The following CLCA2 variants were observed in gnomAD, a reference collection of about 807,000 sequenced individuals.
CLCA2 encodes the protein chloride channel accessory 2.
Under a neutral mutation model 82.9 loss-of-function variants are expected in CLCA2, and 85 were observed. That is an observed-to-expected ratio of 1.03 (90% CI 0.86 to 1.23). The LOEUF is 1.23. Among genes scored for constraint, CLCA2 ranks in the 50% most tolerant of loss-of-function variants. The probability of loss-of-function intolerance (pLI) is 0.00; values close to 1 mark genes in which losing one functional copy is unlikely to be tolerated. For missense variants in CLCA2, 1,089 were observed against 1,124.8 expected, an observed-to-expected ratio of 0.97 and a Z score of 0.45; for synonymous variants, 421 against 391.7, an observed-to-expected ratio of 1.07 and a Z score of -0.88.
intron 6 of CLCA2, 81 bp downstream of exon 6, chr1:86,434,826 CTGGGGTACA>C: frequency 2.6e-6 from 3 of 1,174,068 alleles, no homozygotes; most frequent in Non-Finnish European, 3.7e-6. Context: ...ATTTTAAGTT[CTGGGGTACA>C]TGTGCAGGAC....
chr1:86,441,737 T>C (rs1438630573), intron 9 of CLCA2, among the ~76,000 whole-genome samples, 194 bp downstream of exon 9: 5 of 152,224 alleles, frequency 3.3e-5, no homozygotes, highest in African/African-American at 1.2e-4. Flanking sequence ...TTTACCACAA[T>C]TGCCACCTCA....
intron 4 of CLCA2, among the ~76,000 whole-genome samples, chr1:86,431,938 T>G (rs1020275980): frequency 9.9e-5 from 15 of 152,282 alleles, no homozygotes; most frequent in African/African-American, 2.4e-4. Flanking sequence ...TTGTTTGTTT[T>G]TTTGTTTGTT....
chr1:86,437,492 C>T (rs1167777867), intron 6 of CLCA2, among the ~76,000 whole-genome samples: 1 of 152,074 alleles, frequency 6.6e-6, no homozygotes, highest in African/African-American at 2.4e-5. Flanking sequence ...TTCAACTAGG[C>T]GCTTGCTAGG....
chr1:86,450,602 A>G lies in CLCA2; in HGVS notation c.2024A>G (p.Tyr675Cys), dbSNP rs778830458. The G allele has an allele frequency of 7.4e-6, 12 of 1,612,754 alleles. No individual in the cohort carries two copies. In the South Asian group the frequency reaches 7.7e-5, roughly 10 times the overall value. Reference sequence around the variant, plus strand: ...AAAAATGATGGAATTTACTCGAGGTATTTTTTCTCCTTTGCTGCAAATGGT... The same window carrying G: ...AAAAATGATGGAATTTACTCGAGGTGTTTTTTCTCCTTTGCTGCAAATGGT... ...VIKNDGIYSR[Y>C]FFSFAANGRY... Residue 675 changes from tyrosine (Y) to cysteine (C), a missense_variant, in exon 12 of 14, where the codon TAT becomes TGT. Coordinates refer to ENST00000370565, the MANE Select transcript of CLCA2 (RefSeq NM_006536.7).
chr1:86,431,692 G>A (rs537997626), intron 4 of CLCA2, among the ~76,000 whole-genome samples: 7 of 152,212 alleles, frequency 4.6e-5, no homozygotes, highest in African/African-American at 1.7e-4. Flanking sequence ...CTGATACCAA[G>A]TGGAAATGAA....
chr1:86,447,601 C>T lies in CLCA2; in HGVS notation c.1807C>T (p.Pro603Ser), dbSNP rs1230374279. ...CTCTCGCGCCTCCAACTCAGCTGTG[C>T]CCCCAGCCACTGTGGAAGCCTTTGT... is the stretch of plus-strand genomic sequence containing the variant. ...VTSRASNSAVPPATVEAFVER... is the reference protein window; with the variant it reads ...VTSRASNSAVSPATVEAFVER... The change falls in exon 11 of 14, where the codon CCC becomes TCC. Residue 603 changes from proline (P) to serine (S), a missense_variant. Physicochemically the swap from Pro to Ser is moderately conservative, Grantham distance 74 (BLOSUM62 -1). Transcript: ENST00000370565. 6.2e-7 allele frequency: 1 copy of T among 1,614,000 alleles called. No individual in the cohort carries two copies.
At position 86,455,991 on chromosome 1, in the gene CLCA2, T is replaced by C. The variant is rs1663070586; in HGVS notation, c.*464T>C. 1 of 152,272 alleles carries C rather than the reference T, an allele frequency of 6.6e-6. No individual in the cohort carries two copies. Among genetic ancestry groups the C allele is most frequent in the Non-Finnish European group, 1.5e-5 (1 of 68,068 alleles). The allele number at this position is 152,272 out of a possible 1,614,324, so 9.4% of individuals were successfully genotyped here. On this transcript the variant is annotated 3_prime_UTR_variant, in exon 14 of 14. Transcript: ENST00000370565. ...TGCTATATTTTATATATGAAGCCCC[T>C]AATGCAAAGCTCTTTACCTCTTGCT...
intron 2 of CLCA2, among the ~76,000 whole-genome samples, chr1:86,427,347 C>G (rs756978456): frequency 2.6e-5 from 4 of 151,952 alleles, no homozygotes; most frequent in Non-Finnish European, 5.9e-5. Flanking sequence ...ACCTCTTCAG[C>G]CTTTTTTGTA....
chr1:86,438,323 G>A (rs1160318256), intron 6 of CLCA2, among the ~76,000 whole-genome samples: 2 of 152,174 alleles, frequency 1.3e-5, no homozygotes, highest in East Asian at 3.8e-4. Flanking sequence ...TGGTATAACT[G>A]TACTGCCATA....
chr1:86,440,011 G>A (rs1352593479), intron 7 of CLCA2, 137 bp from the exon 8 acceptor site: 1 of 753,762 alleles, frequency 1.3e-6, no homozygotes. Flanking sequence ...TGCTGTGATG[G>A]GGTGAGGTAA....
At position 86,434,707 on chromosome 1, in the gene CLCA2, G is replaced by A; in HGVS notation, c.934G>A (p.Val312Ile). The A allele has an allele frequency of 1.2e-6, 2 of 1,614,034 alleles. No individual in the cohort carries two copies. Among genetic ancestry groups the A allele is most frequent in the South Asian group, 1.1e-5 (1 of 91,078 alleles). ...FSLVQAGDKV[V>I]CLVLDVSSKM... ...GCTTGTACAGGCTGGTGACAAAGTG[G>A]TCTGTTTAGTGCTGGATGTGTCCAG... is the stretch of plus-strand genomic sequence containing the variant. Residue 312 changes from valine (V) to isoleucine (I), a missense_variant, in exon 6 of 14, where the codon GTC (valine) becomes ATC (isoleucine). Val to Ile is a conservative substitution (Grantham distance 29). Coordinates refer to ENST00000370565, the MANE Select transcript of CLCA2 (RefSeq NM_006536.7).
intron 9 of CLCA2, among the ~76,000 whole-genome samples, chr1:86,443,275 C>A (rs561643404): frequency 6.6e-6 from 1 of 152,166 alleles, no homozygotes; most frequent in African/African-American, 2.4e-5. Flanking sequence ...GCAATCCACT[C>A]GCCTTGGCCT....
At position 86,447,723 on chromosome 1, in the gene CLCA2, A is replaced by G. The variant is rs753131295; in HGVS notation, c.1929A>G (p.Thr643=). ...YPILNATVTA[T]VEPETGDPVT... Reference sequence around the variant, plus strand: ...TTCTTAATGCCACTGTCACTGCCACAGTTGAGCCAGAGACTGGAGATCCTG... The same window carrying G: ...TTCTTAATGCCACTGTCACTGCCACGGTTGAGCCAGAGACTGGAGATCCTG... The change falls in exon 11 of 14, where the codon ACA becomes ACG. Residue 643 remains threonine (T), a synonymous_variant. Transcript: ENST00000370565. 1 of 1,614,062 alleles carries G rather than the reference A, an allele frequency of 6.2e-7. No homozygotes were observed. Among genetic ancestry groups the G allele is most frequent in the Non-Finnish European group, 8.5e-7 (1 of 1,180,010 alleles).
At chr1:86,441,056 G>C (rs1199685956) in intron 8 of CLCA2, among the ~76,000 whole-genome samples, 1 of 152,042 alleles carries the variant, frequency 6.6e-6, no homozygotes, top group African/African-American at 2.4e-5. Context: ...CAAATGAAAG[G>C]TTTTATTGAA....
rs750725056 is a variant in CLCA2 at position 86,455,290 on chromosome 1, A to C, written c.2595A>C (p.Ala865=). 2.6e-5 allele frequency: 42 copies of C among 1,613,996 alleles called. No homozygotes were observed. Among genetic ancestry groups the C allele is most frequent in the Non-Finnish European group, 3.4e-5 (40 of 1,180,024 alleles). ...ATGAAAGCCACAGAATTTATGTTGCAATACGAGCAATGGATAGGAACTCCT... is the reference window on the plus strand; with the variant it reads ...ATGAAAGCCACAGAATTTATGTTGCCATACGAGCAATGGATAGGAACTCCT... ...ETHESHRIYV[A]IRAMDRNSLQ... The change falls in exon 14 of 14, where the codon GCA becomes GCC. Residue 865 remains alanine (A), a synonymous_variant. Transcript: ENST00000370565.
rs1292678684 is a variant in CLCA2 at position 86,453,469 on chromosome 1, G to T, written c.2256G>T (p.Val752=). 1 of 1,614,142 alleles carries T rather than the reference G, an allele frequency of 6.2e-7. No homozygotes were observed. The highest frequency in any genetic ancestry group is 2.2e-5 in the East Asian group (1 of 44,870). Reference sequence around the variant, plus strand: ...TCAGCTCAGGAGGCTCCTTTTCAGTGCTGGGAGTTCCAGCTGGCCCCCACC... The same window carrying T: ...TCAGCTCAGGAGGCTCCTTTTCAGTTCTGGGAGTTCCAGCTGGCCCCCACC... The part of the protein sequence containing the change: ...SRVSSGGSFS[V]LGVPAGPHPD... Residue 752 remains valine (V), a synonymous_variant, in exon 13 of 14, where the codon GTG becomes GTT. Coordinates refer to ENST00000370565, the MANE Select transcript of CLCA2 (RefSeq NM_006536.7).
Position 86,440,265 on chromosome 1 carries a change from C to T in CLCA2, c.1321C>T (p.His441Tyr). The T allele has an allele frequency of 6.2e-7, 1 of 1,614,130 alleles. No individual in the cohort carries two copies. The highest frequency in any genetic ancestry group is 8.5e-7 in the Non-Finnish European group (1 of 1,180,018). ...TGTGCTCAGCAGTGGTTCAACAATT[C>T]ACTCCATTGCCCTGGGTTCATCTGC... The part of the protein sequence containing the change: ...PTVLSSGSTI[H>Y]SIALGSSAAP... The change falls in exon 8 of 14, where the codon CAC (histidine) becomes TAC (tyrosine). Residue 441 changes from histidine (H) to tyrosine (Y), a missense_variant. His to Tyr is a moderately conservative substitution (Grantham distance 83, BLOSUM62 2). Coordinates refer to ENST00000370565, the MANE Select transcript of CLCA2 (RefSeq NM_006536.7).
At position 86,425,384 on chromosome 1, in the gene CLCA2, A is replaced by T. The variant is rs756044978; in HGVS notation, c.232A>T (p.Arg78Ter). The T allele has an allele frequency of 5.1e-6, 8 of 1,580,608 alleles. No individual in the cohort carries two copies. Among genetic ancestry groups the T allele is most frequent in the Non-Finnish European group, 6.0e-6 (7 of 1,162,478 alleles). ...ATTTTACCTATTTAATGCTACCAAG[A>T]GAAGAGTATTTTTCAGAAATATAAA... Reference protein sequence around the residue: ...ASFYLFNATKRRVFFRNIKIL... With the variant: ...ASFYLFNATK The change falls in exon 2 of 14, where the codon AGA (arginine) becomes TGA (stop). Residue 78 changes from arginine (R) to a stop codon, truncating the protein, a stop_gained. Coordinates refer to ENST00000370565, the MANE Select transcript of CLCA2 (RefSeq NM_006536.7). LOFTEE classifies it high-confidence loss of function.
Position 86,434,737 on chromosome 1 carries a change from A to G in CLCA2, c.964A>G (p.Met322Val). ...VCLVLDVSSK[M>V]AEADRLLQLQ... ...TTTAGTGCTGGATGTGTCCAGCAAG[A>G]TGGCAGAGGTAACATTTTGAACGAA... The change falls in exon 6 of 14, where the codon ATG becomes GTG. Residue 322 changes from methionine to valine, a missense_variant. By Grantham distance (21) the Met-to-Val change is conservative. Transcript: ENST00000370565. 1 of 1,608,502 alleles carries G rather than the reference A, an allele frequency of 6.2e-7. No individual in the cohort carries two copies. The highest frequency in any genetic ancestry group is 1.1e-5 in the South Asian group (1 of 90,756).
Sources: allele counts gnomAD v4.1 joint callset (sites outside exome capture counted in the v4.1 genomes callset), GRCh38; gene constraint gnomAD v4.1.1; transcripts MANE v1.5; gene names NCBI Gene and HGNC (gene_info 2026-07-23, HGNC 2026-07-21).